Variants in OSBPL6 observed in about 807,000 individuals in gnomAD.
The protein encoded by OSBPL6 is oxysterol binding protein like 6, also known as oxysterol-binding protein-related protein 6.
OSBPL6 carries 49 observed loss-of-function variants against 125.8 expected under a neutral mutation model. The observed-to-expected ratio is 0.39, with a 90% CI of 0.31 to 0.49. The LOEUF (loss-of-function observed/expected upper bound fraction) is 0.49. Among genes scored for constraint, OSBPL6 ranks in the 20% least tolerant of loss-of-function variants. The pLI is 0.88. For synonymous variants in OSBPL6, 394 were observed against 391.8 expected, an observed-to-expected ratio of 1.01 and a Z score of -0.07; for missense variants, 986 against 1,135.4, an observed-to-expected ratio of 0.87 and a Z score of 1.89.
At chr2:178,344,408 T>G (rs1267318666) in intron 11 of OSBPL6, 3 of 1,580,168 alleles carry the variant, frequency 1.9e-6, no homozygotes, top group Non-Finnish European at 2.6e-6. Flanking sequence ...AATGAGAACC[T>G]GTGTACAAGG....
chr2:178,205,810 A>G (rs937043005), intron 1 of OSBPL6, among the ~76,000 whole-genome samples: 1 of 152,208 alleles, frequency 6.6e-6, no homozygotes, highest in Admixed American at 6.5e-5. Flanking sequence ...TGTTTGTCTA[A>G]TCCTCTTAAG....
At chr2:178,343,140 CA>C (rs997112203) in intron 11 of OSBPL6, among the ~76,000 whole-genome samples, 18 of 151,346 alleles carry the variant, frequency 1.2e-4, no homozygotes, top group Non-Finnish European at 2.2e-4. Flanking sequence ...TCTGACATCC[CA>C]AAAAAAACTA....
chr2:178,288,414 A>C (rs542620534), intron 2 of OSBPL6, among the ~76,000 whole-genome samples: 6 of 152,218 alleles, frequency 3.9e-5, no homozygotes, highest in African/African-American at 1.2e-4. Context: ...GCCCCAGGCC[A>C]GCTCTCGCCT....
intron 3 of OSBPL6, among the ~76,000 whole-genome samples, chr2:178,313,607 AAAAT>A (rs1163982160): frequency 2.6e-5 from 4 of 152,350 alleles, no homozygotes; most frequent in South Asian, 4.1e-4. Flanking sequence ...TAAATAATAA[AAAAT>A]AAATAAGTCA....
chr2:178,337,816 G>A (rs1324050621), intron 9 of OSBPL6, among the ~76,000 whole-genome samples: 2 of 152,132 alleles, frequency 1.3e-5, no homozygotes, highest in Non-Finnish European at 2.9e-5. Context: ...AGATTTCTAT[G>A]CTTATATAGC....
chr2:178,264,389 G>C (rs988239225), intron 1 of OSBPL6, among the ~76,000 whole-genome samples: 1 of 152,244 alleles, frequency 6.6e-6, no homozygotes, highest in Middle Eastern at 3.4e-3. Context: ...GCAGCACCTT[G>C]CATGTCTGGT....
At chr2:178,300,063 G>C (rs1013510864) in intron 2 of OSBPL6, among the ~76,000 whole-genome samples, 12 of 152,204 alleles carry the variant, frequency 7.9e-5, no homozygotes, top group African/African-American at 2.9e-4. Context: ...ATAATACAAT[G>C]TCAAACTATA....
chr2:178,350,451 G>A (rs1271624839), intron 12 of OSBPL6, among the ~76,000 whole-genome samples: 2 of 152,168 alleles, frequency 1.3e-5, no homozygotes, highest in African/African-American at 4.8e-5. Flanking sequence ...AGACTCAACA[G>A]CCTGGTGGAA....
chr2:178,201,276 A>G (rs2089246353), intron 1 of OSBPL6, among the ~76,000 whole-genome samples: 1 of 152,202 alleles, frequency 6.6e-6, no homozygotes, highest in Non-Finnish European at 1.5e-5. Flanking sequence ...CATAGAAGCA[A>G]CTCAAAGTGA....
At chr2:178,223,172 C>T (rs531932124) in intron 1 of OSBPL6, among the ~76,000 whole-genome samples, 1 of 152,330 alleles carries the variant, frequency 6.6e-6, no homozygotes, top group South Asian at 2.1e-4. Context: ...CTAGTTCACT[C>T]TAAAAGTTTA....
intron 18 of OSBPL6, among the ~76,000 whole-genome samples, chr2:178,384,551 T>A (rs536214859): frequency 1.4e-4 from 21 of 152,226 alleles, no homozygotes; most frequent in Non-Finnish European, 2.5e-4. Flanking sequence ...TGCATTCTTT[T>A]GGGTCTCTGA....
intron 1 of OSBPL6, among the ~76,000 whole-genome samples, chr2:178,235,414 T>C (rs1410645220): frequency 7.3e-6 from 1 of 137,382 alleles, no homozygotes. Context: ...TTTTTTTTTT[T>C]TTTTTTTTTT....
intron 13 of OSBPL6, among the ~76,000 whole-genome samples, chr2:178,368,338 G>A (rs1445283753): frequency 2.6e-5 from 4 of 152,156 alleles, no homozygotes; most frequent in African/African-American, 9.7e-5. Context: ...CACCACTGGG[G>A]TTGCCAGAGT....
intron 1 of OSBPL6, among the ~76,000 whole-genome samples, chr2:178,240,778 A>G (rs2091258277): frequency 2.0e-5 from 3 of 152,156 alleles, no homozygotes; most frequent in Non-Finnish European, 2.9e-5. Flanking sequence ...TTTAGCTGAG[A>G]ACCATTCACA....
intron 15 of OSBPL6, among the ~76,000 whole-genome samples, chr2:178,376,608 C>T (rs555554411): frequency 6.6e-5 from 10 of 152,076 alleles, no homozygotes; most frequent in Non-Finnish European, 1.2e-4. Context: ...TGATCATGTC[C>T]GTATTCCTAA....
intron 11 of OSBPL6, among the ~76,000 whole-genome samples, chr2:178,347,964 T>A (rs953561125): frequency 6.6e-6 from 1 of 152,158 alleles, no homozygotes. Flanking sequence ...GAGAAATAAA[T>A]CCCTGCCAGG....
intron 1 of OSBPL6, among the ~76,000 whole-genome samples, chr2:178,256,484 G>A (rs2091891294): frequency 6.6e-6 from 1 of 152,252 alleles, no homozygotes; most frequent in South Asian, 2.1e-4. Flanking sequence ...AACTCAGATG[G>A]TCTTCCTCAG....
At chr2:178,395,370 T>A in intron 24 of OSBPL6, 81 bp from the exon 25 acceptor site, 1 of 932,698 alleles carries the variant, frequency 1.1e-6, no homozygotes, top group East Asian at 2.5e-5. Context: ...TATATGTCCA[T>A]GTCTAATCTA....
intron 1 of OSBPL6, among the ~76,000 whole-genome samples, chr2:178,250,396 G>C (rs964947643): frequency 2.0e-5 from 3 of 151,976 alleles, no homozygotes; most frequent in Non-Finnish European, 2.9e-5. Flanking sequence ...CAAAACTCCT[G>C]CCCTAAGTTT....
Sources: allele counts gnomAD v4.1 joint callset (sites outside exome capture counted in the v4.1 genomes callset), GRCh38; gene constraint gnomAD v4.1.1; transcripts MANE v1.5; gene names NCBI Gene and HGNC (gene_info 2026-07-23, HGNC 2026-07-21).